CDK15: variants seen among roughly 807,000 people sequenced by gnomAD.
CDK15 encodes cyclin dependent kinase 15.
CDK15 carries 62 observed loss-of-function variants against 60.3 expected under a neutral mutation model. The ratio of observed to expected loss-of-function variants is 1.03; its 90% CI spans 0.84 to 1.27. The LOEUF is 1.27. Among genes scored for constraint, CDK15 ranks in the 50% most tolerant of loss-of-function variants. CDK15 has a pLI of 0.00. For synonymous variants in CDK15, 194 were observed against 195.7 expected, an observed-to-expected ratio of 0.99 and a Z score of 0.07; for missense variants, 541 against 527.8, an observed-to-expected ratio of 1.03 and a Z score of -0.25.
intron 10 of CDK15, chr2:201,860,727 C>G: frequency 7.4e-7 from 1 of 1,352,142 alleles, no homozygotes; most frequent in Non-Finnish European, 9.8e-7. Flanking sequence ...GCTTTATCAA[C>G]TTCTGACCAC....
chr2:201,890,130 C>T (rs542239302), intron 12 of CDK15, among the ~76,000 whole-genome samples: 2 of 151,778 alleles, frequency 1.3e-5, no homozygotes, highest in Admixed American at 1.3e-4. Context: ...TCTAGCCCAA[C>T]GTGATGCTCA....
In CDK15 at chr2:201,882,684, T is replaced by C. The variant is rs1483438306; in HGVS notation, c.1198+2517T>C. Among the ~76,000 whole-genome samples the C allele has an allele frequency of 6.7e-6, 1 of 148,454 alleles. No individual in the cohort carries two copies. The highest frequency in any genetic ancestry group is 1.5e-5 in the Non-Finnish European group (1 of 66,724). ...TCGTGCACATGAGTGCACGAGCATG[T>C]GTGTGTGCTTGTGTATGTGTGTGAC... On this transcript the variant is annotated intron_variant, in intron 12 of 13. Coordinates refer to ENST00000652192, the MANE Select transcript of CDK15 (RefSeq NM_001366386.2). The surrounding 1 kb of genome is among the most constrained non-coding windows in gnomAD (Gnocchi z 4.0).
intron 10 of CDK15, among the ~76,000 whole-genome samples, chr2:201,859,626 C>T (rs976487125): frequency 6.6e-6 from 1 of 152,076 alleles, no homozygotes; most frequent in Non-Finnish European, 1.5e-5. Flanking sequence ...GGGAGCCCAG[C>T]GGGGAGCCCA....
At chr2:201,864,553 A>G (rs952402878) in intron 10 of CDK15, among the ~76,000 whole-genome samples, 1 of 152,132 alleles carries the variant, frequency 6.6e-6, no homozygotes, top group Non-Finnish European at 1.5e-5. Context: ...TCCTGACCTC[A>G]AGTGATCCAC....
chr2:201,893,512 A>T lies in CDK15; in HGVS notation c.*245A>T, dbSNP rs1279568227. ...TGCATAGAATTTAAGTGATTGATTT[A>T]AAAAAACTGGACATAAACTAAGTCT... On this transcript the variant is annotated 3_prime_UTR_variant, in exon 14 of 14. Coordinates refer to ENST00000652192, the MANE Select transcript of CDK15 (RefSeq NM_001366386.2). The T allele has an allele frequency of 2.0e-5, 3 of 152,320 alleles. No individual in the cohort carries two copies. Among genetic ancestry groups the T allele is most frequent in the South Asian group, 2.1e-4 (1 of 4,830 alleles). The allele number at this position is 152,320 out of a possible 1,614,324, so 9.4% of individuals were successfully genotyped here.
In CDK15 at chr2:201,854,899, C is replaced by T. The variant is rs775432947; in HGVS notation, c.971C>T (p.Thr324Ile). The T allele has an allele frequency of 1.2e-6, 2 of 1,614,074 alleles. No homozygotes were observed. Among genetic ancestry groups the T allele is most frequent in the Non-Finnish European group, 1.7e-6 (2 of 1,179,962 alleles). ...WEVLGVPTED[T>I]WPGVSKLPNY... is the part of the protein sequence containing the mutation. ...GTGCTGGGAGTCCCTACAGAGGATACTTGGCCGGGAGTCTCCAAGCTACCT... is the reference window on the plus strand; with the variant it reads ...GTGCTGGGAGTCCCTACAGAGGATATTTGGCCGGGAGTCTCCAAGCTACCT... Residue 324 changes from threonine to isoleucine, a missense_variant, in exon 10 of 14, where the codon ACT (threonine) becomes ATT (isoleucine). Transcript: ENST00000652192.
chr2:201,875,454 G>T (rs772926285), intron 11 of CDK15, among the ~76,000 whole-genome samples: 8 of 152,046 alleles, frequency 5.3e-5, no homozygotes, highest in Non-Finnish European at 1.2e-4. Context: ...TCAATTCTAA[G>T]AATTTATCCT....
chr2:201,841,660 G>T (rs1184132158), intron 8 of CDK15, among the ~76,000 whole-genome samples: 1 of 152,200 alleles, frequency 6.6e-6, no homozygotes, highest in African/African-American at 2.4e-5. Context: ...CACTGGGTCA[G>T]CATTAGTGCA....
chr2:201,830,865 G>T (rs945983411), intron 6 of CDK15, among the ~76,000 whole-genome samples: 1 of 152,306 alleles, frequency 6.6e-6, no homozygotes, highest in South Asian at 2.1e-4. Context: ...AGTGGTCAAA[G>T]GTATGAGGAA....
At chr2:201,836,394 A>G (rs1418021646) in intron 8 of CDK15, among the ~76,000 whole-genome samples, 1 of 151,154 alleles carries the variant, frequency 6.6e-6, no homozygotes, top group Non-Finnish European at 1.5e-5. Flanking sequence ...ATAACCTTTT[A>G]CTGTTGAACT....
intron 10 of CDK15, chr2:201,860,689 G>A (rs1698352379): frequency 7.4e-7 from 1 of 1,351,262 alleles, no homozygotes; most frequent in African/African-American, 1.5e-5. Flanking sequence ...ACAGGCCAAG[G>A]GATGCCCAGT....
Position 201,882,535 on chromosome 2 carries a change from C to G in CDK15, c.1198+2368C>G, listed in dbSNP as rs1223461325. On this transcript the variant is annotated intron_variant, in intron 12 of 13. Transcript: ENST00000652192. This position sits in a 1 kb window ranked among gnomAD's most constrained non-coding sequence, Gnocchi z 4.0. Reference sequence around the variant, plus strand: ...CCACAGGGCTCTGCTGCTGCTGCCTCGGCGGACAAGCATTTCCTGCAGCGA... The same window carrying G: ...CCACAGGGCTCTGCTGCTGCTGCCTGGGCGGACAAGCATTTCCTGCAGCGA... Among the ~76,000 whole-genome samples, 2 of 152,098 alleles carry G rather than the reference C, an allele frequency of 1.3e-5. No individual in the cohort carries two copies. Among genetic ancestry groups the G allele is most frequent in the East Asian group, 3.9e-4 (2 of 5,180 alleles).
chr2:201,825,325 A>G (rs1696426521), intron 6 of CDK15, among the ~76,000 whole-genome samples: 1 of 152,044 alleles, frequency 6.6e-6, no homozygotes, highest in Non-Finnish European at 1.5e-5. Context: ...AAAAAAAAAA[A>G]AAAAAGAAAT....
intron 8 of CDK15, among the ~76,000 whole-genome samples, chr2:201,842,062 T>C (rs1225665587): frequency 6.6e-6 from 1 of 152,216 alleles, no homozygotes; most frequent in East Asian, 1.9e-4. Flanking sequence ...TTCACATTGT[T>C]GTGTAACCGT....
intron 4 of CDK15, 137 bp downstream of exon 4, chr2:201,812,699 G>T: frequency 2.2e-6 from 1 of 464,436 alleles, no homozygotes; most frequent in Non-Finnish European, 3.8e-6. Flanking sequence ...TTTCATACAA[G>T]TTTTTCAAGA....
chr2:201,834,867 A>G (rs1338914139), intron 7 of CDK15, among the ~76,000 whole-genome samples: 1 of 152,238 alleles, frequency 6.6e-6, no homozygotes, highest in Non-Finnish European at 1.5e-5. Flanking sequence ...TTGTTTATCA[A>G]TTCTCCACAA....
intron 12 of CDK15, chr2:201,889,292 G>A (rs1163499511): frequency 1.0e-5 from 10 of 985,284 alleles, no homozygotes; most frequent in Middle Eastern, 5.2e-4. Context: ...GTGAACCTGG[G>A]AAAAGCAATG....
intron 10 of CDK15, among the ~76,000 whole-genome samples, chr2:201,868,646 G>A (rs916821560): frequency 5.9e-5 from 9 of 151,642 alleles, no homozygotes; most frequent in Non-Finnish European, 8.8e-5. Flanking sequence ...TCTGACAAAG[G>A]GCTAATATCC....
At position 201,807,964 on chromosome 2, in the gene CDK15, AT is replaced by A. The variant is rs1357438025; in HGVS notation, c.368+13del. 1.9e-6 allele frequency: 3 copies of A among 1,607,792 alleles called. No individual in the cohort carries two copies. Among genetic ancestry groups the A allele is most frequent in the Non-Finnish European group, 2.6e-6 (3 of 1,176,130 alleles). ...AAGGGGATTAGCAGGTGAGTGACAC[AT>A]AGCTGGGAGAGACTTTAGAGATGAG... On this transcript the variant is annotated intron_variant, in intron 3 of 13. Transcript: ENST00000652192.
Sources: gnomAD v4.1 joint callset for allele counts (sites outside exome capture counted in the v4.1 genomes callset) on GRCh38, gnomAD v4.1.1 for gene constraint, Gnocchi (gnomAD v3.1) non-coding constraint, MANE v1.5 for transcripts, NCBI Gene and HGNC (gene_info 2026-07-23, HGNC 2026-07-21) for gene names.